Variants in PPP4R2 observed in about 807,000 individuals in gnomAD.
PPP4R2 encodes serine/threonine-protein phosphatase 4 regulatory subunit 2.
PPP4R2 carries 13 observed loss-of-function variants against 47.2 expected under a neutral mutation model. The ratio of observed to expected loss-of-function variants is 0.28; its 90% CI spans 0.18 to 0.44. The LOEUF (loss-of-function observed/expected upper bound fraction) is 0.44. Ranked by LOEUF, PPP4R2 falls within the 20% of genes least tolerant of loss-of-function variation. PPP4R2 has a pLI of 1.00. For missense variants in PPP4R2, 421 were observed against 491.2 expected (o/e 0.86, Z 1.35); for synonymous variants, 151 against 163.3 (o/e 0.92, Z 0.57).
intron 2 of PPP4R2, among the ~76,000 whole-genome samples, chr3:73,003,223 T>C (rs1238213947): frequency 6.6e-6 from 1 of 151,938 alleles, no homozygotes; most frequent in Admixed American, 6.6e-5. Context: ...TTTTGTTTTT[T>C]TTTTTTGAGA....
At chr3:73,058,394 T>A (rs1056989063) in intron 3 of PPP4R2, among the ~76,000 whole-genome samples, 1 of 152,114 alleles carries the variant, frequency 6.6e-6, no homozygotes, top group Admixed American at 6.5e-5. Flanking sequence ...TTATTTGTGT[T>A]ACCTCTCTTG....
intron 2 of PPP4R2, among the ~76,000 whole-genome samples, chr3:73,032,289 CTT>C (rs199550474): frequency 3.4e-5 from 5 of 144,948 alleles, no homozygotes; most frequent in Middle Eastern, 3.6e-3. Context: ...AAAATTATTT[CTT>C]TTTTTTTTTT....
At chr3:73,013,450 C>G (rs1205557174) in intron 2 of PPP4R2, among the ~76,000 whole-genome samples, 1 of 151,756 alleles carries the variant, frequency 6.6e-6, no homozygotes, top group African/African-American at 2.4e-5. Context: ...GAAATTGATA[C>G]TGCTTTAGAT....
chr3:73,038,595 C>CA (rs1702314257), intron 2 of PPP4R2, among the ~76,000 whole-genome samples: 1 of 152,204 alleles, frequency 6.6e-6, no homozygotes, highest in African/African-American at 2.4e-5. Flanking sequence ...AGGGTTTCAC[C>CA]ATTCTGGCCA....
chr3:73,033,100 A>C (rs904642717), intron 2 of PPP4R2, among the ~76,000 whole-genome samples: 5 of 152,184 alleles, frequency 3.3e-5, no homozygotes, highest in African/African-American at 1.2e-4. Flanking sequence ...ATACCATATC[A>C]TGCTCTTTCT....
chr3:73,015,124 A>C, intron 2 of PPP4R2: 1 of 442,982 alleles, frequency 2.3e-6, no homozygotes, highest in Non-Finnish European at 4.0e-6. Flanking sequence ...CAGAAATGTC[A>C]TAAAGTCCTA....
chr3:73,018,555 G>GC (rs1701898050), intron 2 of PPP4R2, among the ~76,000 whole-genome samples: 3 of 134,144 alleles, frequency 2.2e-5, no homozygotes, highest in Non-Finnish European at 5.2e-5. Context: ...CCGGGCACAA[G>GC]CAGTTCTCCC....
In PPP4R2 at chr3:73,013,155, T is replaced by G. The variant is rs961509924; in HGVS notation, c.116+14997T>G. On this transcript the variant is annotated intron_variant, in intron 2 of 8. Coordinates refer to ENST00000356692, the MANE Select transcript of PPP4R2 (RefSeq NM_174907.4). ...TTTGGTTTTGCTATGTTGCTTTTGG[T>G]AGGATATGGCTAAAATCAGTGCCAT... Among the ~76,000 whole-genome samples, 13 of 152,182 alleles carry G rather than the reference T, an allele frequency of 8.5e-5. 1 individual carries two copies. The highest frequency in any genetic ancestry group is 7.2e-4 in the Admixed American group (11 of 15,276).
intron 2 of PPP4R2, among the ~76,000 whole-genome samples, chr3:73,025,838 A>G (rs1394646212): frequency 1.3e-5 from 2 of 152,198 alleles, no homozygotes; most frequent in Non-Finnish European, 2.9e-5. Flanking sequence ...AATTCAAAGG[A>G]ATTAGGGAAA....
chr3:73,055,635 A>T (rs1702716908), intron 3 of PPP4R2, among the ~76,000 whole-genome samples: 1 of 150,692 alleles, frequency 6.6e-6, no homozygotes, highest in Non-Finnish European at 1.5e-5. Flanking sequence ...TGAATAAATC[A>T]GATGATATAT....
rs1341986858 is a variant in PPP4R2, at chr3:73,068,368, A to G, written c.*2646A>G. On this transcript the variant is annotated 3_prime_UTR_variant, in exon 9 of 9. Coordinates refer to ENST00000356692, the MANE Select transcript of PPP4R2 (RefSeq NM_174907.4). ...TTTGAAGATGGTGATGAGGAAAGTG[A>G]GATATATATATATATATGTATTATG... The G allele has an allele frequency of 1.3e-5, 2 of 151,696 alleles. No homozygotes were observed. The highest frequency in any genetic ancestry group is 2.9e-5 in the Non-Finnish European group (2 of 67,996). The allele number at this position is 151,696 out of a possible 1,614,324, so 9.4% of individuals were successfully genotyped here.
Position 73,064,030 on chromosome 3 carries a change from C to T in PPP4R2, c.522C>T (p.Pro174=), listed in dbSNP as rs763981625. 2 of 1,611,194 alleles carry T rather than the reference C, an allele frequency of 1.2e-6. No individual in the cohort carries two copies. Among genetic ancestry groups the T allele is most frequent in the Non-Finnish European group, 8.5e-7 (1 of 1,179,380 alleles). Residue 174 remains proline (P), a synonymous_variant, in exon 7 of 9, where the codon CCC becomes CCT. Transcript: ENST00000356692. ...CTAATATAAATGGGCCTGGGACACC[C>T]AGGCCACTTAATCGACCAAAGGTTT... The part of the protein sequence containing the change: ...ERSNINGPGT[P]RPLNRPKVSL...
chr3:73,053,704 T>C (rs1702667242), intron 3 of PPP4R2, among the ~76,000 whole-genome samples: 1 of 151,308 alleles, frequency 6.6e-6, no homozygotes, highest in Non-Finnish European at 1.5e-5. Flanking sequence ...GGTCAGGAGA[T>C]GGAGACCATC....
intron 2 of PPP4R2, among the ~76,000 whole-genome samples, chr3:73,034,729 C>T (rs990199912): frequency 1.7e-4 from 26 of 152,052 alleles, no homozygotes; most frequent in South Asian, 4.2e-4. Context: ...GATGGGATCT[C>T]GCTATGTTGC....
intron 2 of PPP4R2, among the ~76,000 whole-genome samples, chr3:73,012,820 C>G (rs988723545): frequency 7.9e-5 from 12 of 151,442 alleles, no homozygotes; most frequent in Admixed American, 7.2e-4. Flanking sequence ...TAACTGGAGA[C>G]TGGTCCACCT....
chr3:73,049,553 T>C (rs1702567427), intron 3 of PPP4R2, among the ~76,000 whole-genome samples: 1 of 152,106 alleles, frequency 6.6e-6, no homozygotes, highest in Non-Finnish European at 1.5e-5. Flanking sequence ...TATATATAAA[T>C]AGTACTTAGA....
chr3:73,046,576 C>T (rs1354298448), intron 2 of PPP4R2, among the ~76,000 whole-genome samples: 1 of 152,008 alleles, frequency 6.6e-6, no homozygotes, highest in Non-Finnish European at 1.5e-5. Context: ...TGAAAAGTAC[C>T]TAAGCAAATT....
chr3:73,006,065 A>C (rs1701603536), intron 2 of PPP4R2, among the ~76,000 whole-genome samples: 1 of 152,018 alleles, frequency 6.6e-6, no homozygotes, highest in African/African-American at 2.4e-5. Context: ...AATGTAGATT[A>C]GTTTGTGAGT....
intron 6 of PPP4R2, 24 bp from the exon 7 acceptor site, chr3:73,063,979 T>C: frequency 6.4e-7 from 1 of 1,561,546 alleles, no homozygotes; most frequent in Non-Finnish European, 8.6e-7. Context: ...AAATAGGAAA[T>C]GATGTTCATT....
Sources: gnomAD v4.1 joint callset for allele counts (sites outside exome capture counted in the v4.1 genomes callset) on GRCh38, gnomAD v4.1.1 for gene constraint, MANE v1.5 for transcripts, NCBI Gene and HGNC (gene_info 2026-07-23, HGNC 2026-07-21) for gene names.